Variants in MYH1 observed in about 807,000 individuals in gnomAD.
MYH1 encodes the protein myosin-1.
MYH1 carries 214 observed loss-of-function variants against 225.6 expected under a neutral mutation model. That is an observed-to-expected ratio of 0.95 (90% CI 0.85 to 1.06). MYH1 has a LOEUF of 1.06. MYH1 is among the 50% of genes least tolerant of loss of function. The pLI is 0.00. For missense variants in MYH1, 2,098 were observed against 2,344.2 expected, an observed-to-expected ratio of 0.89 and a Z score of 2.17; for synonymous variants, 774 against 842.3, an observed-to-expected ratio of 0.92 and a Z score of 1.40.
At chr17:10,500,824 A>G (rs2073046391) in intron 27 of MYH1, 72 bp from the exon 28 acceptor site, 8 of 1,593,208 alleles carry the variant, frequency 5.0e-6, no homozygotes, top group Non-Finnish European at 6.9e-6. Flanking sequence ...TAATCTAAAC[A>G]TTCCATATGA....
intron 7 of MYH1, 39 bp downstream of exon 7, chr17:10,513,971 C>A (rs757930920): frequency 1.9e-6 from 3 of 1,613,850 alleles, no homozygotes; most frequent in Non-Finnish European, 8.5e-7. Flanking sequence ...ACCTGAGAGT[C>A]CCGACAGAGC....
rs370391942 is a variant in MYH1 at position 10,513,623 on chromosome 17, C to T, written c.805+3G>A. 1 of 1,613,496 alleles carries T rather than the reference C, an allele frequency of 6.2e-7. No homozygotes were observed. Among genetic ancestry groups the T allele is most frequent in the African/African-American group, 1.3e-5 (1 of 74,902 alleles). On this transcript the variant is annotated splice_donor_region_variant and intron_variant, in intron 9 of 39. Transcript: ENST00000226207. ...ATTCTATTTAGGAGGTCCTGTTACT[C>T]ACATGTTTCAATATCAGCAGAAGCC...
At chr17:10,499,235 C>T (rs1597436198) in intron 28 of MYH1, 143 bp from the exon 29 acceptor site, 1 of 711,226 alleles carries the variant, frequency 1.4e-6, no homozygotes, top group Non-Finnish European at 2.5e-6. Flanking sequence ...CCGCTTTAAC[C>T]TTGATAAGCA....
At position 10,497,381 on chromosome 17, in the gene MYH1, G is replaced by A; in HGVS notation, c.4437C>T (p.Arg1479=). 6.2e-7 allele frequency: 1 copy of A among 1,613,824 alleles called. No individual in the cohort carries two copies. Among genetic ancestry groups the A allele is most frequent in the Non-Finnish European group, 8.5e-7 (1 of 1,179,962 alleles). ...AELEASQKES[R]SLSTELFKIK... ...TCTTAAATAGTTCTGTGCTGAGTGA[G>A]CGGGATTCCTTTTGAGAAGCTTCAA... Residue 1479 remains arginine (R), a synonymous_variant, in exon 32 of 40, where the codon CGC becomes CGT. Coordinates refer to ENST00000226207, the MANE Select transcript of MYH1 (RefSeq NM_005963.4).
intron 8 of MYH1, 52 bp from the exon 9 acceptor site, chr17:10,513,741 G>C (rs2073195998): frequency 6.2e-7 from 1 of 1,611,804 alleles, no homozygotes; most frequent in African/African-American, 1.3e-5. Flanking sequence ...TACGTAGTGG[G>C]GATGCCACTG....
At position 10,498,048 on chromosome 17, in the gene MYH1, G is replaced by A; in HGVS notation, c.4182-131C>T. 3 of 873,616 alleles carry A rather than the reference G, an allele frequency of 3.4e-6. No individual in the cohort carries two copies. The South Asian group carries it at 5.9e-5, about 17-fold the overall frequency. The allele number at this position is 873,616 out of a possible 1,614,324, so 54.1% of individuals were successfully genotyped here. A position where few individuals can be genotyped will look rare whatever the true frequency, so the allele number is the denominator to read the frequency against. On this transcript the variant is annotated intron_variant, in intron 30 of 39. Coordinates refer to ENST00000226207, the MANE Select transcript of MYH1 (RefSeq NM_005963.4). ...TTCTCAAGCTTGTTTTGTAGGTCCA[G>A]TTCTATATTAACTCATTCCCATTAT...
intron 16 of MYH1, 83 bp from the exon 17 acceptor site, chr17:10,508,039 C>T (rs530401282): frequency 2.0e-5 from 24 of 1,186,774 alleles, no homozygotes; most frequent in African/African-American, 9.7e-5. Flanking sequence ...TTTTTTTTGA[C>T]GAAGTTTCAC....
intron 39 of MYH1, among the ~76,000 whole-genome samples, chr17:10,492,842 C>CTT (rs1481906540): frequency 2.5e-5 from 3 of 119,340 alleles, no homozygotes; most frequent in Non-Finnish European, 3.5e-5. Flanking sequence ...AGGTGTCCAG[C>CTT]TTTGTTTTTT....
In MYH1 at chr17:10,497,848, G is replaced by A. The variant is rs767249904; in HGVS notation, c.4251C>T (p.Ser1417=). 3.1e-6 allele frequency: 5 copies of A among 1,613,780 alleles called. No individual in the cohort carries two copies. Among genetic ancestry groups the A allele is most frequent in the Non-Finnish European group, 4.2e-6 (5 of 1,179,986 alleles). ...GGAGCCTCTGCTTCGTCTTCTCAAG[G>A]GAAGCACATTTGGCATTCACAGCTT... The part of the protein sequence containing the change: ...HVEAVNAKCA[S]LEKTKQRLQN... Residue 1417 remains serine, a synonymous_variant, in exon 31 of 40, where the codon TCC becomes TCT. Coordinates refer to ENST00000226207, the MANE Select transcript of MYH1 (RefSeq NM_005963.4).
intron 6 of MYH1, 77 bp downstream of exon 6, chr17:10,514,791 A>G: frequency 7.5e-7 from 1 of 1,327,202 alleles, no homozygotes; most frequent in Non-Finnish European, 1.1e-6. Context: ...AGAGAACATT[A>G]ACTAATTTCT....
At position 10,512,561 on chromosome 17, in the gene MYH1, G is replaced by A. The variant is rs369088992; in HGVS notation, c.1009-15C>T. ...TCAATGGCACTCTACCATGAGAGAT[G>A]AGAAGACAAAGATTAGGGCACAAGA... On this transcript the variant is annotated splice_polypyrimidine_tract_variant and intron_variant, in intron 11 of 39. Transcript: ENST00000226207. The A allele has an allele frequency of 1.9e-6, 3 of 1,613,932 alleles. No homozygotes were observed. Among genetic ancestry groups the A allele is most frequent in the African/African-American group, 1.3e-5 (1 of 74,928 alleles).
At chr17:10,514,981 G>C in intron 5 of MYH1, 86 bp from the exon 6 acceptor site, 1 of 1,199,898 alleles carries the variant, frequency 8.3e-7, no homozygotes, top group Non-Finnish European at 1.2e-6. Flanking sequence ...TTGAGTATAA[G>C]TGTCATGTAT....
At position 10,497,823 on chromosome 17, in the gene MYH1, GGA is replaced by G; in HGVS notation, c.4274_4275del (p.Leu1425ProfsTer3). 1 of 1,614,008 alleles carries G rather than the reference GGA, an allele frequency of 6.2e-7. No homozygotes were observed. ...CASLEKTKQR[L>X]QNEVEDLMID... ...ATCATGAGGTCCTCAACTTCATTCT[GGA>G]GCCTCTGCTTCGTCTTCTCAAGGGA... On this transcript the variant is annotated frameshift_variant, in exon 31 of 40. Transcript: ENST00000226207. LOFTEE classifies it high-confidence loss of function.
At position 10,511,932 on chromosome 17, in the gene MYH1, C is replaced by A; in HGVS notation, c.1323G>T (p.Trp441Cys). 6 of 1,614,186 alleles carry A rather than the reference C, an allele frequency of 3.7e-6. No homozygotes were observed. Among genetic ancestry groups the A allele is most frequent in the Non-Finnish European group, 5.1e-6 (6 of 1,180,034 alleles). Residue 441 changes from tryptophan (W) to cysteine (C), a missense_variant, in exon 14 of 40, where the codon TGG (tryptophan) becomes TGT (cysteine). Trp to Cys is a radical substitution (Grantham distance 215, BLOSUM62 -2). Transcript: ENST00000226207. ...AKAVYDKMFLWMVTRINQQLD... is the reference protein window; with the variant it reads ...AKAVYDKMFLCMVTRINQQLD... ...GCTGCTGGTTGATGCGGGTGACCAT[C>A]CACAAGAACATCTTATCGTAGACAG...
Position 10,505,387 on chromosome 17 carries a change from C to T in MYH1, c.2298+1G>A. ...ATCAGGTAGGATTTACAGAATATTA[C>T]CTTGGTGTGACCAAATTTATACTGG... On this transcript the variant is annotated splice_donor_variant, in intron 20 of 39. Transcript: ENST00000226207. LOFTEE classifies it high-confidence loss of function. The T allele has an allele frequency of 1.2e-6, 2 of 1,614,226 alleles. No individual in the cohort carries two copies. Among genetic ancestry groups the T allele is most frequent in the Non-Finnish European group, 1.7e-6 (2 of 1,180,042 alleles).
chr17:10,515,188 T>G (rs563684838), intron 5 of MYH1, among the ~76,000 whole-genome samples: 1 of 152,236 alleles, frequency 6.6e-6, no homozygotes, highest in African/African-American at 2.4e-5. Flanking sequence ...ATTTAATAGA[T>G]TGAAATAGTG....
Position 10,508,667 on chromosome 17 carries a change from C to A in MYH1, c.1593G>T (p.Met531Ile), listed in dbSNP as rs923451996. ...AACIELIEKPMGIFSILEEEC... is the reference protein window; with the variant it reads ...AACIELIEKPIGIFSILEEEC... ...CCTCTTCCAGGATGGAGAAGATGCCCATAGGCTGGAAGAATGAAAAGAAAT... is the reference window on the plus strand; with the variant it reads ...CCTCTTCCAGGATGGAGAAGATGCCAATAGGCTGGAAGAATGAAAAGAAAT... The change falls in exon 16 of 40, where the codon ATG becomes ATT. Residue 531 changes from methionine (M) to isoleucine (I), a missense_variant. By Grantham distance (10) the Met-to-Ile change is conservative. Coordinates refer to ENST00000226207, the MANE Select transcript of MYH1 (RefSeq NM_005963.4). The A allele has an allele frequency of 6.2e-6, 10 of 1,613,776 alleles. No individual in the cohort carries two copies. The African/African-American group carries it at 1.1e-4, about 17-fold the overall frequency.
chr17:10,497,792 A>G lies in MYH1; in HGVS notation c.4307T>C (p.Val1436Ala), dbSNP rs1340267248. Residue 1436 changes from valine to alanine, a missense_variant, in exon 31 of 40, where the codon GTT (valine) becomes GCT (alanine). By Grantham distance (64) the Val-to-Ala change is moderately conservative. Coordinates refer to ENST00000226207, the MANE Select transcript of MYH1 (RefSeq NM_005963.4). ...GGCACAGGCAGCATTTGTCCTCTCA[A>G]CATCAATCATGAGGTCCTCAACTTC... is the stretch of plus-strand genomic sequence containing the variant. The part of the protein sequence containing the change: ...QNEVEDLMID[V>A]ERTNAACAAL... 1.2e-6 allele frequency: 2 copies of G among 1,614,084 alleles called. No individual in the cohort carries two copies. The highest frequency in any genetic ancestry group is 1.7e-5 in the Admixed American group (1 of 60,006).
chr17:10,501,841 C>T lies in MYH1; in HGVS notation c.3182G>A (p.Gly1061Glu), dbSNP rs1211138881. 2 of 1,613,392 alleles carry T rather than the reference C, an allele frequency of 1.2e-6. No individual in the cohort carries two copies. Among genetic ancestry groups the T allele is most frequent in the Admixed American group, 1.7e-5 (1 of 59,972 alleles). Residue 1061 changes from glycine to glutamate, a missense_variant, in exon 25 of 40, where the codon GGA becomes GAA. Coordinates refer to ENST00000226207, the MANE Select transcript of MYH1 (RefSeq NM_005963.4). ...GGATTCTTGAGCCAATTTTAGGTCT[C>T]CCTCTAGTTTTCTCTTTGCTCTTTC... ...DLERAKRKLE[G>E]DLKLAQESTM...
Sources: gnomAD v4.1 joint callset for allele counts (sites outside exome capture counted in the v4.1 genomes callset) on GRCh38, gnomAD v4.1.1 for gene constraint, MANE v1.5 for transcripts, NCBI Gene and HGNC (gene_info 2026-07-23, HGNC 2026-07-21) for gene names.